ATP9A: variants seen among roughly 807,000 people sequenced by gnomAD.
ATP9A encodes probable phospholipid-transporting ATPase IIA.
Under a neutral mutation model 144.1 loss-of-function variants are expected in ATP9A, and 52 were observed. That is an observed-to-expected ratio of 0.36 (90% CI 0.29 to 0.45). The LOEUF (loss-of-function observed/expected upper bound fraction) is 0.45. ATP9A is among the 20% of genes least tolerant of loss of function. The pLI, the probability that ATP9A is intolerant of heterozygous loss-of-function variation, is 1.00. For synonymous variants in ATP9A, 582 were observed against 557.4 expected, an observed-to-expected ratio of 1.04 and a Z score of -0.62; for missense variants, 947 against 1,392.7, an observed-to-expected ratio of 0.68 and a Z score of 5.09.
In ATP9A at chr20:51,679,255, C is replaced by A. The variant is rs187066436; in HGVS notation, c.800-3047G>T. ...AGGAGAACTGCTTGAACCTGGGAGG[C>A]GGAGGTTGCAGTGAGCCGAGATCAC... is the stretch of plus-strand genomic sequence containing the variant. On this transcript the variant is annotated intron_variant, in intron 9 of 27. Coordinates refer to ENST00000338821, the MANE Select transcript of ATP9A (RefSeq NM_006045.3). Among the ~76,000 whole-genome samples, 509 of 152,202 alleles carry A rather than the reference C, an allele frequency of 3.3e-3. 4 individuals are homozygous for A. Among genetic ancestry groups the A allele is most frequent in the African/African-American group, 0.011 (469 of 41,530 alleles).
At chr20:51,695,907 A>G (rs1288680101) in intron 6 of ATP9A, among the ~76,000 whole-genome samples, 186 bp downstream of exon 6, 2 of 150,722 alleles carry the variant, frequency 1.3e-5, no homozygotes, top group Non-Finnish European at 1.5e-5. Context: ...TAATGATCAC[A>G]ATCTATTGAC....
At chr20:51,635,859 G>C (rs1199112013) in intron 15 of ATP9A, among the ~76,000 whole-genome samples, 2 of 100,376 alleles carry the variant, frequency 2.0e-5, no homozygotes, top group Non-Finnish European at 4.4e-5. Context: ...GAAGGAAGGA[G>C]GAAGGGAGGG....
chr20:51,740,535 C>T (rs1022609226), intron 1 of ATP9A, among the ~76,000 whole-genome samples: 3 of 26 alleles, frequency 0.12, no homozygotes, highest in African/African-American at 0.3. Context: ...CATAGTGAAA[C>T]CCCGTCTCTA....
intron 27 of ATP9A, among the ~76,000 whole-genome samples, chr20:51,603,008 G>A (rs1051872874): frequency 2.0e-5 from 3 of 152,164 alleles, no homozygotes; most frequent in Non-Finnish European, 2.9e-5. Flanking sequence ...GCAAGGGATG[G>A]GCCATTGCTA....
intron 4 of ATP9A, among the ~76,000 whole-genome samples, chr20:51,709,691 C>A (rs901875636): frequency 6.6e-6 from 1 of 152,186 alleles, no homozygotes; most frequent in Non-Finnish European, 1.5e-5. Flanking sequence ...CCCACCACTG[C>A]ACTCCAACCC....
At chr20:51,631,625 TAC>T (rs1020293821) in intron 15 of ATP9A, among the ~76,000 whole-genome samples, 1 of 152,226 alleles carries the variant, frequency 6.6e-6, no homozygotes, top group Admixed American at 6.5e-5. Flanking sequence ...GCCATAAATT[TAC>T]AGAGATCGGC....
At chr20:51,638,836 T>A (rs1159301200) in intron 15 of ATP9A, among the ~76,000 whole-genome samples, 1 of 152,128 alleles carries the variant, frequency 6.6e-6, no homozygotes, top group Non-Finnish European at 1.5e-5. Flanking sequence ...AAAGAGCCAG[T>A]AGAAAAACAA....
At chr20:51,601,844 C>T (rs2077144421) in intron 27 of ATP9A, among the ~76,000 whole-genome samples, 1 of 152,034 alleles carries the variant, frequency 6.6e-6, no homozygotes, top group African/African-American at 2.4e-5. Context: ...GAGCTTGAGA[C>T]TGCAGTGAGC....
At chr20:51,683,287 C>T (rs949171918) in intron 9 of ATP9A, among the ~76,000 whole-genome samples, 3 of 151,268 alleles carry the variant, frequency 2.0e-5, no homozygotes, top group Admixed American at 6.6e-5. Flanking sequence ...TTTTTTGAGA[C>T]GGAGTCTCGC....
Position 51,622,085 on chromosome 20 carries a change from C to A in ATP9A, c.2104G>T (p.Val702Phe), listed in dbSNP as rs200642405. Residue 702 changes from valine to phenylalanine, a missense_variant, in exon 19 of 28, where the codon GTT becomes TTT. Physicochemically the swap from Val to Phe is conservative, Grantham distance 50 (BLOSUM62 -1). Around this residue, in one of 2 missense-constraint regions of ATP9A, gnomAD observed 770 missense variants for 1,047.9 expected, o/e 0.73. Coordinates refer to ENST00000338821, the MANE Select transcript of ATP9A (RefSeq NM_006045.3). Reference protein sequence around the residue: ...HLVTRNQDIHVFRLVTNRGEA... With the variant: ...HLVTRNQDIHFFRLVTNRGEA... Reference sequence around the variant, plus strand: ...AGAGGACACTTTACCAGCCGAAAAACGTGGATGTCTTGGTTTCTGGTCACC... The same window carrying A: ...AGAGGACACTTTACCAGCCGAAAAAAGTGGATGTCTTGGTTTCTGGTCACC... 1 of 1,614,094 alleles carries A rather than the reference C, an allele frequency of 6.2e-7. No individual in the cohort carries two copies. The highest frequency in any genetic ancestry group is 1.3e-5 in the African/African-American group (1 of 75,030).
chr20:51,747,940 A>G (rs2077815443), intron 1 of ATP9A, among the ~76,000 whole-genome samples: 1 of 152,048 alleles, frequency 6.6e-6, no homozygotes, highest in Admixed American at 6.6e-5. Context: ...ATTTCTATCA[A>G]ACTACCCAAC....
rs757301090 is a variant in ATP9A, at chr20:51,622,119, A to G, written c.2070T>C (p.Asn690=). ...KLETATCTAK[N]AHLVTRNQDI... Reference sequence around the variant, plus strand: ...CTTGGTTTCTGGTCACCAGATGTGCATTCTTCGCTGTGCACGTAGCTGTCT... The same window carrying G: ...CTTGGTTTCTGGTCACCAGATGTGCGTTCTTCGCTGTGCACGTAGCTGTCT... Residue 690 remains asparagine (N), a synonymous_variant, in exon 19 of 28, where the codon AAT becomes AAC. Coordinates refer to ENST00000338821, the MANE Select transcript of ATP9A (RefSeq NM_006045.3). 2.4e-5 allele frequency: 39 copies of G among 1,613,996 alleles called. 1 individual carries two copies. In the South Asian group the frequency reaches 4.3e-4, roughly 18 times the overall value.
chr20:51,708,319 TG>T (rs2077623241), intron 4 of ATP9A, among the ~76,000 whole-genome samples: 1 of 151,236 alleles, frequency 6.6e-6, no homozygotes, highest in South Asian at 2.1e-4. Flanking sequence ...TGATACACCT[TG>T]ATTGAAATAA....
chr20:51,755,579 T>C (rs2077852327), intron 1 of ATP9A, among the ~76,000 whole-genome samples: 1 of 152,214 alleles, frequency 6.6e-6, no homozygotes, highest in East Asian at 1.9e-4. Context: ...ACAATTGCTT[T>C]GGAAAATTAT....
intron 15 of ATP9A, among the ~76,000 whole-genome samples, chr20:51,633,775 A>AG (rs1419055273): frequency 6.7e-6 from 1 of 149,756 alleles, no homozygotes; most frequent in African/African-American, 2.5e-5. Flanking sequence ...AGAAAAGAAA[A>AG]AAAGGGAGGG....
chr20:51,669,950 A>AT, intron 13 of ATP9A, 47 bp downstream of exon 13: 1 of 1,427,872 alleles, frequency 7.0e-7, no homozygotes, highest in Non-Finnish European at 9.9e-7. Context: ...GCTGTTAAAA[A>AT]AAAAAAGTCA....
At chr20:51,687,775 AAATGAATGAATGAATG>A (rs1555836823) in intron 9 of ATP9A, among the ~76,000 whole-genome samples, 50 of 147,568 alleles carry the variant, frequency 3.4e-4, no homozygotes, top group African/African-American at 9.9e-4. Context: ...AAAAAAAAAA[AAATGAATGAATGAATG>A]AATGAATGAA....
intron 3 of ATP9A, among the ~76,000 whole-genome samples, chr20:51,717,149 G>A (rs890558546): frequency 2.7e-5 from 4 of 147,682 alleles, no homozygotes; most frequent in African/African-American, 1.0e-4. Flanking sequence ...TCCAGCCTGG[G>A]TGACAGAGCA....
chr20:51,758,853 A>C (rs2077867233), intron 1 of ATP9A, among the ~76,000 whole-genome samples: 1 of 151,998 alleles, frequency 6.6e-6, no homozygotes, highest in African/African-American at 2.4e-5. Context: ...TGAACTCGGG[A>C]GGCGGAGGTT....
Sources: allele counts gnomAD v4.1 joint callset (sites outside exome capture counted in the v4.1 genomes callset), GRCh38; gene constraint gnomAD v4.1.1; regional missense constraint gnomAD v4.1.1; transcripts MANE v1.5; gene names NCBI Gene and HGNC (gene_info 2026-07-23, HGNC 2026-07-21).